Variants in TSPAN13 observed in about 807,000 individuals in gnomAD.
The protein encoded by TSPAN13 is tetraspanin-13.
TSPAN13 carries 18 observed loss-of-function variants against 26.9 expected under a neutral mutation model. That is an observed-to-expected ratio of 0.67 (90% CI 0.46 to 0.99). TSPAN13 has a LOEUF of 0.99. Among genes scored for constraint, TSPAN13 ranks in the 50% least tolerant of loss-of-function variants. The probability of loss-of-function intolerance (pLI) is 0.00; values close to 1 mark genes in which losing one functional copy is unlikely to be tolerated. For synonymous variants in TSPAN13, 116 were observed against 98.4 expected (o/e 1.18, Z -1.06); for missense variants, 201 against 249.6 (o/e 0.81, Z 1.31).
In TSPAN13 at chr7:16,777,866, C is replaced by T; in HGVS notation, c.381C>T (p.Asn127=). 3 of 1,613,814 alleles carry T rather than the reference C, an allele frequency of 1.9e-6. No individual in the cohort carries two copies. Among genetic ancestry groups the T allele is most frequent in the Non-Finnish European group, 2.5e-6 (3 of 1,179,814 alleles). ...GAAATGACATCCAGAGAAATCTAAA[C>T]TGCTGTGGGTTCCGAAGTGTTAACC... is the stretch of plus-strand genomic sequence containing the variant. The part of the protein sequence containing the change: ...SARNDIQRNL[N]CCGFRSVNPN... The change falls in exon 4 of 6, where the codon AAC becomes AAT. Residue 127 remains asparagine, a synonymous_variant. Transcript: ENST00000262067.
At chr7:16,774,871 T>C (rs1002739937) in intron 1 of TSPAN13, among the ~76,000 whole-genome samples, 2 of 152,234 alleles carry the variant, frequency 1.3e-5, no homozygotes, top group African/African-American at 4.8e-5. Flanking sequence ...AAATATTTTC[T>C]ATGAGTACAA....
intron 1 of TSPAN13, 67 bp from the exon 2 acceptor site, chr7:16,776,144 C>G: frequency 6.6e-7 from 1 of 1,506,508 alleles, no homozygotes; most frequent in Non-Finnish European, 9.1e-7. Context: ...ATTTAATTAA[C>G]TGGCATTTTC....
chr7:16,768,575 G>C (rs1474203490), intron 1 of TSPAN13, among the ~76,000 whole-genome samples: 3 of 152,172 alleles, frequency 2.0e-5, no homozygotes, highest in Non-Finnish European at 4.4e-5. Flanking sequence ...CCATGTCAGT[G>C]TTATATGCGC....
At chr7:16,781,375 C>T (rs1784811898) in intron 5 of TSPAN13, among the ~76,000 whole-genome samples, 1 of 152,076 alleles carries the variant, frequency 6.6e-6, no homozygotes, top group African/African-American at 2.4e-5. Context: ...TTTTGGTGAC[C>T]TACTGCACAC....
In TSPAN13 at chr7:16,776,219, TCTG is replaced by T. The variant is rs1298148592; in HGVS notation, c.78_80del (p.Leu27del). 1 of 1,613,904 alleles carries T rather than the reference TCTG, an allele frequency of 6.2e-7. No individual in the cohort carries two copies. The highest frequency in any genetic ancestry group is 8.5e-7 in the Non-Finnish European group (1 of 1,179,946). On this transcript the variant is annotated inframe_deletion, in exon 2 of 6. Transcript: ENST00000262067. ...CCTGGGTGTTTTTGCAGTTGGTTAG[TCTG>T]CTGCTAATTGGAATTGCTGCGTGGG...
At chr7:16,779,306 G>A (rs1199410404) in intron 5 of TSPAN13, among the ~76,000 whole-genome samples, 190 bp downstream of exon 5, 2 of 152,160 alleles carry the variant, frequency 1.3e-5, no homozygotes, top group Admixed American at 6.5e-5. Flanking sequence ...CCGGGTGAAA[G>A]GCTTGATCTG....
In TSPAN13 at chr7:16,753,806, G is replaced by C. The variant is rs1188534180; in HGVS notation, c.-162G>C. On this transcript the variant is annotated 5_prime_UTR_variant, in exon 1 of 6. Coordinates refer to ENST00000262067, the MANE Select transcript of TSPAN13 (RefSeq NM_014399.4). ...TCCAAAGCGGGTCCGAGCCGCCGCCGCGCGCGCGCCGCGCACTGCAGCCCC... is the reference window on the plus strand; with the variant it reads ...TCCAAAGCGGGTCCGAGCCGCCGCCCCGCGCGCGCCGCGCACTGCAGCCCC... 6.7e-6 allele frequency: 4 copies of C among 598,420 alleles called. No individual in the cohort carries two copies. Among genetic ancestry groups the C allele is most frequent in the Middle Eastern group, 4.8e-4 (1 of 2,098 alleles). 37.1% of individuals were successfully genotyped at this position (598,420 alleles called of 1,614,324 possible).
intron 1 of TSPAN13, among the ~76,000 whole-genome samples, chr7:16,761,268 A>G (rs1784538098): frequency 4.6e-5 from 7 of 152,252 alleles, no homozygotes; most frequent in Admixed American, 4.6e-4. Context: ...TTGAAGAATG[A>G]TCATAAAGCA....
At chr7:16,756,020 A>G (rs1236535523) in intron 1 of TSPAN13, among the ~76,000 whole-genome samples, 1 of 152,216 alleles carries the variant, frequency 6.6e-6, no homozygotes, top group Admixed American at 6.5e-5. Flanking sequence ...AGACAAAGGG[A>G]CATTTCTTAA....
intron 1 of TSPAN13, among the ~76,000 whole-genome samples, chr7:16,768,488 C>A (rs1267201113): frequency 1.4e-4 from 21 of 152,210 alleles, no homozygotes; most frequent in Non-Finnish European, 8.8e-5. Flanking sequence ...CAGTACCTAC[C>A]TCTTAGGGTT....
At chr7:16,766,136 T>A (rs141616601) in intron 1 of TSPAN13, among the ~76,000 whole-genome samples, 1 of 152,344 alleles carries the variant, frequency 6.6e-6, no homozygotes, top group East Asian at 1.9e-4. Flanking sequence ...ATTTTAAAAG[T>A]TAACTTGGGT....
At chr7:16,761,690 ATTTTTTTTTTTT>A (rs35451307) in intron 1 of TSPAN13, among the ~76,000 whole-genome samples, 4 of 93,324 alleles carry the variant, frequency 4.3e-5, no homozygotes, top group African/African-American at 1.7e-4. Context: ...CAGCTAATTA[ATTTTTTTTTTTT>A]TTTTTTTTTT....
chr7:16,762,884 T>G (rs896886239), intron 1 of TSPAN13, among the ~76,000 whole-genome samples: 1 of 152,178 alleles, frequency 6.6e-6, no homozygotes, highest in African/African-American at 2.4e-5. Flanking sequence ...ACAGATCTAT[T>G]GAAATATTAT....
rs774130385 is a variant in TSPAN13 at position 16,753,953 on chromosome 7, A to G, written c.-15A>G. 14 of 1,611,740 alleles carry G rather than the reference A, an allele frequency of 8.7e-6. No individual in the cohort carries two copies. In the East Asian group the frequency reaches 3.1e-4, roughly 36 times the overall value. On this transcript the variant is annotated 5_prime_UTR_variant, in exon 1 of 6. Coordinates refer to ENST00000262067, the MANE Select transcript of TSPAN13 (RefSeq NM_014399.4). ...TCGAATTTACGTGCAGCTGCCGGCAACCACAGGTTCCAAGATGGTTTGCGG... is the reference window on the plus strand; with the variant it reads ...TCGAATTTACGTGCAGCTGCCGGCAGCCACAGGTTCCAAGATGGTTTGCGG...
intron 4 of TSPAN13, 149 bp downstream of exon 4, chr7:16,778,060 A>G (rs912694212): frequency 1.6e-6 from 1 of 620,940 alleles, no homozygotes; most frequent in Admixed American, 3.4e-5. Flanking sequence ...CCTCTGTTAT[A>G]TCATTTGCCT....
intron 1 of TSPAN13, among the ~76,000 whole-genome samples, chr7:16,760,109 T>A (rs528358796): frequency 6.6e-6 from 1 of 152,126 alleles, no homozygotes; most frequent in Admixed American, 6.5e-5. Flanking sequence ...AGGAGAGCAC[T>A]ATAGGGCCAT....
intron 5 of TSPAN13, among the ~76,000 whole-genome samples, chr7:16,779,817 G>A (rs957194025): frequency 1.3e-4 from 19 of 150,372 alleles, no homozygotes; most frequent in African/African-American, 4.6e-4. Context: ...TGTCACCCAG[G>A]CTGGAGTGCA....
At chr7:16,769,541 G>GGA (rs1784650311) in intron 1 of TSPAN13, among the ~76,000 whole-genome samples, 1 of 151,448 alleles carries the variant, frequency 6.6e-6, no homozygotes, top group Admixed American at 6.6e-5. Flanking sequence ...ATATTTTGGG[G>GGA]GTATATTACA....
At chr7:16,759,892 G>T (rs558405224) in intron 1 of TSPAN13, among the ~76,000 whole-genome samples, 9 of 152,136 alleles carry the variant, frequency 5.9e-5, no homozygotes, top group African/African-American at 9.6e-5. Flanking sequence ...GGTCTGTGTT[G>T]TCTGGGCTAG....
Sources: allele counts gnomAD v4.1 joint callset (sites outside exome capture counted in the v4.1 genomes callset), GRCh38; gene constraint gnomAD v4.1.1; transcripts MANE v1.5; gene names NCBI Gene and HGNC (gene_info 2026-07-23, HGNC 2026-07-21).